ST8SIA4: variants seen among roughly 807,000 people sequenced by gnomAD.
The protein encoded by ST8SIA4 is ST8 alpha-N-acetyl-neuraminide alpha-2,8-sialyltransferase 4, also known as CMP-N-acetylneuraminate-poly-alpha-2,8-sialyltransferase.
Under a neutral mutation model 33.9 loss-of-function variants are expected in ST8SIA4, and 15 were observed. The ratio of observed to expected loss-of-function variants is 0.44; its 90% CI spans 0.30 to 0.68. ST8SIA4 has a LOEUF of 0.68. Ranked by LOEUF, ST8SIA4 falls within the 30% of genes least tolerant of loss-of-function variation. ST8SIA4 has a pLI of 0.10. For missense variants in ST8SIA4, 321 were observed against 428.0 expected, an observed-to-expected ratio of 0.75 and a Z score of 2.21; for synonymous variants, 171 against 151.2, an observed-to-expected ratio of 1.13 and a Z score of -0.96.
At chr5:100,859,284 G>C (rs908966083) in intron 3 of ST8SIA4, among the ~76,000 whole-genome samples, 3 of 151,964 alleles carry the variant, frequency 2.0e-5, no homozygotes, top group Non-Finnish European at 2.9e-5. Context: ...GCCAGAATGT[G>C]TCTCAAGCAT....
rs9654533 is a variant in ST8SIA4 at position 100,870,565 on chromosome 5, G to A, written c.504-14169C>T. Among the ~76,000 whole-genome samples, 1,187 of 152,102 alleles carry A rather than the reference G, an allele frequency of 7.8e-3. 17 individuals are homozygous for A. The highest frequency in any genetic ancestry group is 0.027 in the African/African-American group (1,130 of 41,494). On this transcript the variant is annotated intron_variant, in intron 3 of 4. Coordinates refer to ENST00000231461, the MANE Select transcript of ST8SIA4 (RefSeq NM_005668.6). ...TTGTTAGACTGATATATGAAAAATC[G>A]TTTACAATCTTTGTTTCAGAAAATG...
chr5:100,839,683 C>T (rs1751434090), intron 4 of ST8SIA4, among the ~76,000 whole-genome samples: 1 of 151,788 alleles, frequency 6.6e-6, no homozygotes, highest in South Asian at 2.1e-4. Context: ...ATTATTTTGG[C>T]AATACATACA....
At chr5:100,845,497 A>T (rs1751549319) in intron 4 of ST8SIA4, among the ~76,000 whole-genome samples, 1 of 151,878 alleles carries the variant, frequency 6.6e-6, no homozygotes, top group Non-Finnish European at 1.5e-5. Flanking sequence ...AACTCAGTAT[A>T]TATTTTGCAT....
chr5:100,856,903 A>G (rs775851267), intron 3 of ST8SIA4, among the ~76,000 whole-genome samples: 15 of 152,220 alleles, frequency 9.9e-5, no homozygotes, highest in Non-Finnish European at 1.5e-4. Context: ...TTAGGGGAAA[A>G]GTGCAATTCC....
At position 100,811,642 on chromosome 5, in the gene ST8SIA4, T is replaced by C; in HGVS notation, c.*205A>G. ...TATTCTTAGTGGAAGTGGCACTTACTAGGACCCTTAAAGTCAAAATATTTA... is the reference window on the plus strand; with the variant it reads ...TATTCTTAGTGGAAGTGGCACTTACCAGGACCCTTAAAGTCAAAATATTTA... On this transcript the variant is annotated 3_prime_UTR_variant, in exon 5 of 5. Coordinates refer to ENST00000231461, the MANE Select transcript of ST8SIA4 (RefSeq NM_005668.6). The C allele has an allele frequency of 1.8e-6, 1 of 547,716 alleles. No homozygotes were observed. Among genetic ancestry groups the C allele is most frequent in the Non-Finnish European group, 3.2e-6 (1 of 310,328 alleles). 33.9% of individuals were successfully genotyped at this position (547,716 alleles called of 1,614,324 possible).
intron 4 of ST8SIA4, among the ~76,000 whole-genome samples, chr5:100,823,155 A>G (rs1392103105): frequency 1.3e-5 from 2 of 149,802 alleles, no homozygotes; most frequent in Admixed American, 6.6e-5. Flanking sequence ...AAACAAACAA[A>G]CAAACAAAAA....
At position 100,902,890 on chromosome 5, in the gene ST8SIA4, T is replaced by G; in HGVS notation, c.66A>C (p.Thr22=). 1 of 1,614,256 alleles carries G rather than the reference T, an allele frequency of 6.2e-7. No individual in the cohort carries two copies. The highest frequency in any genetic ancestry group is 8.5e-7 in the Non-Finnish European group (1 of 1,180,044). ...GCTCCTCAGTTCTTGCTATTTCTTTTGTCTTATAAAAGATCAGGAGCAGAC... is the reference window on the plus strand; with the variant it reads ...GCTCCTCAGTTCTTGCTATTTCTTTGGTCTTATAAAAGATCAGGAGCAGAC... The part of the protein sequence containing the change: ...TISLLLIFYK[T]KEIARTEEHQ... The change falls in exon 1 of 5, where the codon ACA becomes ACC. Residue 22 remains threonine (T), a synonymous_variant. Coordinates refer to ENST00000231461, the MANE Select transcript of ST8SIA4 (RefSeq NM_005668.6).
intron 4 of ST8SIA4, among the ~76,000 whole-genome samples, chr5:100,822,692 G>A (rs1347989907): frequency 6.6e-6 from 1 of 152,152 alleles, no homozygotes; most frequent in Non-Finnish European, 1.5e-5. Context: ...TTGAAACAGA[G>A]CAACTCCATC....
At chr5:100,882,827 G>A (rs993389419) in intron 3 of ST8SIA4, among the ~76,000 whole-genome samples, 1 of 152,240 alleles carries the variant, frequency 6.6e-6, no homozygotes, top group Non-Finnish European at 1.5e-5. Flanking sequence ...GCCTGTGAGT[G>A]CACAGAACTC....
chr5:100,895,665 G>C lies in ST8SIA4; in HGVS notation c.234C>G (p.Val78=), dbSNP rs1471386970. 6.2e-7 allele frequency: 1 copy of C among 1,610,502 alleles called. No homozygotes were observed. Among genetic ancestry groups the C allele is most frequent in the Non-Finnish European group, 8.5e-7 (1 of 1,178,088 alleles). The change falls in exon 2 of 5, where the codon GTC becomes GTG. Residue 78 remains valine, a synonymous_variant. Transcript: ENST00000231461. ...GTAAAGAAACTCACCTTATCTCTAG[G>C]ACCAAAGAGGAATTGATTTTCCAAC... ...VEGWKINSSL[V]LEIRKNILRF... is the part of the protein sequence containing the mutation.
At chr5:100,816,416 T>C (rs1408185573) in intron 4 of ST8SIA4, 3 of 496,226 alleles carry the variant, frequency 6.0e-6, no homozygotes, top group Non-Finnish European at 1.2e-5. Flanking sequence ...TCACATTCAA[T>C]ATATTGACAA....
At chr5:100,849,064 T>G in intron 4 of ST8SIA4, 1 of 844,450 alleles carries the variant, frequency 1.2e-6, no homozygotes, top group Non-Finnish European at 1.4e-6. Context: ...AAGAAATACT[T>G]TAGAAAGCTA....
intron 2 of ST8SIA4, chr5:100,890,695 C>G (rs974700531): frequency 6.6e-6 from 1 of 151,846 alleles, no homozygotes; most frequent in African/African-American, 2.4e-5. Flanking sequence ...CTTTAACTGT[C>G]ATTTTGTGAT....
chr5:100,846,179 A>G (rs2112428461), intron 4 of ST8SIA4, among the ~76,000 whole-genome samples: 1 of 152,118 alleles, frequency 6.6e-6, no homozygotes, highest in Non-Finnish European at 1.5e-5. Flanking sequence ...CCTCTTCTTC[A>G]CAATACTGCC....
At chr5:100,881,097 A>G (rs1310585596) in intron 3 of ST8SIA4, among the ~76,000 whole-genome samples, 1 of 152,196 alleles carries the variant, frequency 6.6e-6, no homozygotes, top group East Asian at 1.9e-4. Context: ...TCATGTAGGA[A>G]ATTCACCAAC....
In ST8SIA4 at chr5:100,825,913, T is replaced by C. The variant is rs567153503; in HGVS notation, c.798-13784A>G. On this transcript the variant is annotated intron_variant, in intron 4 of 4. Coordinates refer to ENST00000231461, the MANE Select transcript of ST8SIA4 (RefSeq NM_005668.6). ...AATGCTTAATTTGACTTGCCTATATTAGGGTCAAAAAATACAATTATAATT... is the reference window on the plus strand; with the variant it reads ...AATGCTTAATTTGACTTGCCTATATCAGGGTCAAAAAATACAATTATAATT... Among the ~76,000 whole-genome samples, 20 of 152,210 alleles carry C rather than the reference T, an allele frequency of 1.3e-4. No homozygotes were observed. In the South Asian group the frequency reaches 3.3e-3, roughly 25 times the overall value.
chr5:100,865,803 C>A (rs1288654008), intron 3 of ST8SIA4, among the ~76,000 whole-genome samples: 2 of 151,986 alleles, frequency 1.3e-5, no homozygotes, highest in Non-Finnish European at 2.9e-5. Context: ...AAAATGTGAC[C>A]CTTCCTATTT....
intron 4 of ST8SIA4, among the ~76,000 whole-genome samples, chr5:100,843,194 A>G (rs756985896): frequency 2.0e-5 from 3 of 151,882 alleles, no homozygotes; most frequent in East Asian, 3.9e-4. Context: ...TGATTTTACT[A>G]TCTCTAGAGT....
chr5:100,844,992 T>C (rs1277229792), intron 4 of ST8SIA4, among the ~76,000 whole-genome samples: 5 of 152,092 alleles, frequency 3.3e-5, no homozygotes, highest in African/African-American at 9.6e-5. Context: ...GTTTCCTACA[T>C]GGCAATTCTA....
Sources: gnomAD v4.1 joint callset for allele counts (sites outside exome capture counted in the v4.1 genomes callset) on GRCh38, gnomAD v4.1.1 for gene constraint, MANE v1.5 for transcripts, NCBI Gene and HGNC (gene_info 2026-07-23, HGNC 2026-07-21) for gene names.